LHFPL3: variants seen among roughly 807,000 people sequenced by gnomAD.
The protein encoded by LHFPL3 is LHFPL tetraspan subfamily member 3 protein.
LHFPL3 carries 5 observed loss-of-function variants against 19.3 expected under a neutral mutation model. The ratio of observed to expected loss-of-function variants is 0.26; its 90% CI spans 0.14 to 0.54. The LOEUF (loss-of-function observed/expected upper bound fraction) is 0.54. Ranked by LOEUF, LHFPL3 falls within the 20% of genes least tolerant of loss-of-function variation. The pLI, the probability that LHFPL3 is intolerant of heterozygous loss-of-function variation, is 0.94. For synonymous variants in LHFPL3, 133 were observed against 126.2 expected, an observed-to-expected ratio of 1.05 and a Z score of -0.36; for missense variants, 249 against 307.4, an observed-to-expected ratio of 0.81 and a Z score of 1.42.
intron 2 of LHFPL3, among the ~76,000 whole-genome samples, chr7:104,874,390 C>CT (rs1234139276): frequency 0.013 from 1,584 of 120,196 alleles, 12 homozygotes; most frequent in East Asian, 0.055. Flanking sequence ...AAAAGGAATG[C>CT]TTTTTTTTTT....
chr7:104,554,491 C>T (rs572412004), intron 1 of LHFPL3, among the ~76,000 whole-genome samples: 9 of 152,130 alleles, frequency 5.9e-5, no homozygotes, highest in African/African-American at 1.9e-4. Flanking sequence ...AATAAATTAG[C>T]TCGTGTTATA....
intron 2 of LHFPL3, among the ~76,000 whole-genome samples, chr7:104,860,594 A>C (rs1384397163): frequency 6.6e-6 from 1 of 152,192 alleles, no homozygotes; most frequent in Non-Finnish European, 1.5e-5. Context: ...TCACAAAAGC[A>C]TCAGGGTGTT....
chr7:104,458,437 G>A (rs900474529), intron 1 of LHFPL3, among the ~76,000 whole-genome samples: 2 of 152,122 alleles, frequency 1.3e-5, no homozygotes, highest in African/African-American at 2.4e-5. Flanking sequence ...GATATGCGGT[G>A]TTATTTCTGA....
chr7:104,363,084 GT>G (rs935642886), intron 1 of LHFPL3, among the ~76,000 whole-genome samples: 1 of 152,246 alleles, frequency 6.6e-6, no homozygotes, highest in Non-Finnish European at 1.5e-5. Context: ...TAGCTAACTT[GT>G]TGGTTTGACA....
At chr7:104,483,822 C>T (rs1412003336) in intron 1 of LHFPL3, among the ~76,000 whole-genome samples, 1 of 152,090 alleles carries the variant, frequency 6.6e-6, no homozygotes, top group Non-Finnish European at 1.5e-5. Flanking sequence ...GACAGAGTCT[C>T]ACTATGTTAC....
intron 2 of LHFPL3, among the ~76,000 whole-genome samples, chr7:104,742,601 A>G (rs753660259): frequency 6.6e-6 from 1 of 152,230 alleles, no homozygotes; most frequent in Non-Finnish European, 1.5e-5. Flanking sequence ...TGTCTCTGAC[A>G]CCAGCTGAGG....
chr7:104,689,120 CCT>C, intron 1 of LHFPL3, among the ~76,000 whole-genome samples: 1 of 152,148 alleles, frequency 6.6e-6, no homozygotes, highest in Admixed American at 6.5e-5. Flanking sequence ...AGGGGGAGAA[CCT>C]GCATCCTTGA....
chr7:104,638,136 A>G (rs1182250097), intron 1 of LHFPL3, among the ~76,000 whole-genome samples: 2 of 151,970 alleles, frequency 1.3e-5, no homozygotes, highest in African/African-American at 4.8e-5. Context: ...TAGGAATTTT[A>G]TATTTTTTGT....
chr7:104,502,811 C>G (rs1396536872), intron 1 of LHFPL3, among the ~76,000 whole-genome samples: 1 of 152,162 alleles, frequency 6.6e-6, no homozygotes, highest in Non-Finnish European at 1.5e-5. Flanking sequence ...ATTGTTTACA[C>G]AACTCTATTC....
intron 1 of LHFPL3, among the ~76,000 whole-genome samples, chr7:104,639,141 G>C (rs928505528): frequency 5.9e-5 from 9 of 152,096 alleles, no homozygotes; most frequent in African/African-American, 2.2e-4. Context: ...CAGTATGAAT[G>C]GTACCAACTC....
At chr7:104,754,038 T>C (rs1238633445) in intron 2 of LHFPL3, among the ~76,000 whole-genome samples, 1 of 152,128 alleles carries the variant, frequency 6.6e-6, no homozygotes, top group African/African-American at 2.4e-5. Context: ...TAAGGGACCA[T>C]GTATGAGGAT....
At chr7:104,454,749 A>G (rs1023079327) in intron 1 of LHFPL3, among the ~76,000 whole-genome samples, 10 of 152,158 alleles carry the variant, frequency 6.6e-5, no homozygotes, top group Admixed American at 3.3e-4. Flanking sequence ...CTTCTCTACC[A>G]TCTTTCCTCC....
At chr7:104,841,275 A>G (rs946547155) in intron 2 of LHFPL3, among the ~76,000 whole-genome samples, 1 of 152,162 alleles carries the variant, frequency 6.6e-6, no homozygotes, top group African/African-American at 2.4e-5. Flanking sequence ...GAGACCCAGA[A>G]GAGGTTTTTC....
At chr7:104,522,405 G>A (rs1421760557) in intron 1 of LHFPL3, among the ~76,000 whole-genome samples, 9 of 63,394 alleles carry the variant, frequency 1.4e-4, no homozygotes, top group African/African-American at 4.2e-4. Flanking sequence ...GGGGAGGGGG[G>A]AGGGATGGAT....
intron 1 of LHFPL3, among the ~76,000 whole-genome samples, chr7:104,629,434 A>G (rs1294257394): frequency 1.3e-5 from 2 of 152,190 alleles, no homozygotes; most frequent in Non-Finnish European, 2.9e-5. Context: ...TCTGAGGGCT[A>G]CAAGCCAGTG....
intron 2 of LHFPL3, among the ~76,000 whole-genome samples, chr7:104,875,173 T>A (rs1791913144): frequency 6.6e-6 from 1 of 152,154 alleles, no homozygotes; most frequent in South Asian, 2.1e-4. Flanking sequence ...AGAAAATAAC[T>A]TCACATAAAT....
At position 104,415,955 on chromosome 7, in the gene LHFPL3, C is replaced by G. The variant is rs117364753; in HGVS notation, c.445+86731C>G. On this transcript the variant is annotated intron_variant, in intron 1 of 2. Coordinates refer to ENST00000424859, the MANE Select transcript of LHFPL3 (RefSeq NM_199000.3). ...TGCACTGGACTGGCATGGGTCAGTA[C>G]ATACCACCTATTATGGGTTGCATTC... Among the ~76,000 whole-genome samples the G allele has an allele frequency of 8.3e-3, 1,267 of 152,262 alleles. 73 individuals are homozygous for G. The East Asian group carries it at 0.16, about 19-fold the overall frequency.
At chr7:104,890,273 C>T (rs983860579) in intron 2 of LHFPL3, among the ~76,000 whole-genome samples, 2 of 152,106 alleles carry the variant, frequency 1.3e-5, no homozygotes, top group African/African-American at 4.8e-5. Flanking sequence ...ACTTCACTCA[C>T]CTGGTCAACA....
chr7:104,841,882 C>A (rs1791217489), intron 2 of LHFPL3, among the ~76,000 whole-genome samples: 1 of 151,968 alleles, frequency 6.6e-6, no homozygotes, highest in South Asian at 2.1e-4. Flanking sequence ...GGTCTCAGGG[C>A]AAATAAGTTT....
Sources: gnomAD v4.1 joint callset for allele counts (sites outside exome capture counted in the v4.1 genomes callset) on GRCh38, gnomAD v4.1.1 for gene constraint, MANE v1.5 for transcripts, NCBI Gene and HGNC (gene_info 2026-07-23, HGNC 2026-07-21) for gene names.